KCNU1: variants seen among roughly 807,000 people sequenced by gnomAD.
The protein encoded by KCNU1 is potassium channel subfamily U member 1.
KCNU1 carries 93 observed loss-of-function variants against 126.8 expected under a neutral mutation model. That is an observed-to-expected ratio of 0.73 (90% CI 0.62 to 0.87). KCNU1 has a LOEUF of 0.87. KCNU1 is among the 40% of genes least tolerant of loss of function. The probability of loss-of-function intolerance (pLI) is 0.00; values close to 1 mark genes in which losing one functional copy is unlikely to be tolerated. For synonymous variants in KCNU1, 523 were observed against 494.2 expected, an observed-to-expected ratio of 1.06 and a Z score of -0.77; for missense variants, 1,330 against 1,367.1, an observed-to-expected ratio of 0.97 and a Z score of 0.43.
chr8:36,897,227 A>C (rs1807228502), intron 19 of KCNU1, among the ~76,000 whole-genome samples: 1 of 151,850 alleles, frequency 6.6e-6, no homozygotes, highest in South Asian at 2.1e-4. Flanking sequence ...AATTTCCATA[A>C]AATTTATAGA....
At chr8:36,841,034 G>GC (rs1804934512) in intron 16 of KCNU1, 31 bp downstream of exon 16, 2 of 564,676 alleles carry the variant, frequency 3.5e-6, no homozygotes, top group African/African-American at 5.5e-5. Context: ...CTCTTCAGTT[G>GC]TTTTTTTTTT....
intron 19 of KCNU1, among the ~76,000 whole-genome samples, chr8:36,865,440 A>T (rs1175428339): frequency 6.6e-6 from 1 of 152,042 alleles, no homozygotes; most frequent in Non-Finnish European, 1.5e-5. Flanking sequence ...AATAGCCAAG[A>T]TACAGAAACA....
intron 24 of KCNU1, among the ~76,000 whole-genome samples, chr8:36,928,659 C>T (rs1371715010): frequency 6.6e-6 from 1 of 152,164 alleles, no homozygotes; most frequent in African/African-American, 2.4e-5. Context: ...CTACATTTTA[C>T]CAGCAATATT....
At position 36,836,359 on chromosome 8, in the gene KCNU1, T is replaced by C; in HGVS notation, c.1359T>C (p.His453=). 1 of 1,584,380 alleles carries C rather than the reference T, an allele frequency of 6.3e-7. No individual in the cohort carries two copies. The highest frequency in any genetic ancestry group is 2.2e-5 in the East Asian group (1 of 44,622). ...TRIIIQILQS[H]NKVYLPKIPS... ...TCATCATACAGATACTGCAATCCCATAACAAGGTATAGTAACATTCTAGCA... is the reference window on the plus strand; with the variant it reads ...TCATCATACAGATACTGCAATCCCACAACAAGGTATAGTAACATTCTAGCA... Residue 453 remains histidine (H), a synonymous_variant, in exon 13 of 27, where the codon CAT becomes CAC. Coordinates refer to ENST00000399881, the MANE Select transcript of KCNU1 (RefSeq NM_001031836.3).
At chr8:36,841,031 G>GTTTT (rs372102596) in intron 16 of KCNU1, 28 bp downstream of exon 16, 4 of 618,886 alleles carry the variant, frequency 6.5e-6, no homozygotes, top group Non-Finnish European at 1.0e-5. Context: ...CATCTCTTCA[G>GTTTT]TTGTTTTTTT....
intron 18 of KCNU1, among the ~76,000 whole-genome samples, chr8:36,847,889 A>G (rs187710354): frequency 1.4e-4 from 21 of 152,324 alleles, no homozygotes; most frequent in Admixed American, 1.2e-3. Flanking sequence ...ATTCCCATAC[A>G]GCTTTCCATA....
intron 19 of KCNU1, among the ~76,000 whole-genome samples, chr8:36,881,658 A>G (rs1445947779): frequency 6.6e-6 from 1 of 152,138 alleles, no homozygotes. Flanking sequence ...AATAGACACA[A>G]ACCTGAGTGT....
In KCNU1 at chr8:36,935,098, G is replaced by A. The variant is rs143803645; in HGVS notation, c.3045-417G>A. On this transcript the variant is annotated intron_variant, in intron 26 of 26. Coordinates refer to ENST00000399881, the MANE Select transcript of KCNU1 (RefSeq NM_001031836.3). The stretch of plus-strand genomic sequence containing the variant: ...AAAGCTTGGCTACGTGGTCAATATT[G>A]TGCCAGCTGAATTCATGAGTATAGT... Among the ~76,000 whole-genome samples the A allele has an allele frequency of 2.2e-3, 340 of 152,152 alleles. 1 individual carries two copies. The highest frequency in any genetic ancestry group is 7.8e-3 in the African/African-American group (324 of 41,524).
intron 18 of KCNU1, among the ~76,000 whole-genome samples, chr8:36,851,391 C>T (rs560476263): frequency 3.6e-4 from 55 of 150,962 alleles, no homozygotes; most frequent in Admixed American, 1.3e-3. Context: ...CTCTCTATCT[C>T]TCTCTCTCTC....
rs140277443 is a variant in KCNU1 at position 36,917,017 on chromosome 8, C to T, written c.2522-1806C>T. On this transcript the variant is annotated intron_variant, in intron 22 of 26. Transcript: ENST00000399881. ...TGGATTTCCCCTTTTCCTTCCTGGT[C>T]TCCACCTCAGTGGCTCCATTCCCTG... Among the ~76,000 whole-genome samples the T allele has an allele frequency of 3.4e-3, 520 of 152,262 alleles. 6 individuals are homozygous for T. The highest frequency in any genetic ancestry group is 0.012 in the African/African-American group (495 of 41,554).
chr8:36,803,378 TATC>T (rs1352599106), intron 2 of KCNU1, among the ~76,000 whole-genome samples: 4 of 152,128 alleles, frequency 2.6e-5, no homozygotes, highest in African/African-American at 9.7e-5. Flanking sequence ...TAACCTCAAA[TATC>T]ATGAAAGCTG....
intron 12 of KCNU1, among the ~76,000 whole-genome samples, chr8:36,835,572 C>T (rs1804718107): frequency 6.6e-6 from 1 of 152,132 alleles, no homozygotes; most frequent in Non-Finnish European, 1.5e-5. Context: ...AACTCCTGAG[C>T]TCAGATGATC....
At chr8:36,846,806 A>AC (rs397797861) in intron 18 of KCNU1, among the ~76,000 whole-genome samples, 7 of 151,200 alleles carry the variant, frequency 4.6e-5, no homozygotes, top group African/African-American at 1.5e-4. Flanking sequence ...AAAAAAAAAA[A>AC]CTTAGCCTTG....
At chr8:36,922,288 G>A (rs773206777) in intron 23 of KCNU1, among the ~76,000 whole-genome samples, 2 of 151,624 alleles carry the variant, frequency 1.3e-5, no homozygotes, top group Admixed American at 6.6e-5. Flanking sequence ...GTACCCAATA[G>A]AACTATGTAC....
intron 7 of KCNU1, among the ~76,000 whole-genome samples, chr8:36,811,640 T>C (rs1458742632): frequency 6.6e-6 from 1 of 152,048 alleles, no homozygotes; most frequent in African/African-American, 2.4e-5. Flanking sequence ...TGGTAAGAAG[T>C]AGTGGTAGTG....
At chr8:36,795,454 A>G (rs1344760017) in intron 2 of KCNU1, 2 of 152,460 alleles carry the variant, frequency 1.3e-5, no homozygotes, top group Non-Finnish European at 2.9e-5. Flanking sequence ...AACGAGGGGC[A>G]CAGGGACTTG....
Position 36,833,667 on chromosome 8 carries a change from C to T in KCNU1, c.1212+8C>T, listed in dbSNP as rs1238750357. On this transcript the variant is annotated splice_region_variant and intron_variant, in intron 11 of 26. Transcript: ENST00000399881. ...GATCTGAGGCGAGTTGCGGTAAGAT[C>T]TAGCTGTTTTTGTTCCTTGTAGTTT... 1.3e-6 allele frequency: 2 copies of T among 1,562,202 alleles called. No individual in the cohort carries two copies. The highest frequency in any genetic ancestry group is 1.4e-5 in the African/African-American group (1 of 73,852).
At chr8:36,830,687 TGTTTGGA>T (rs1804504487) in intron 10 of KCNU1, among the ~76,000 whole-genome samples, 1 of 151,998 alleles carries the variant, frequency 6.6e-6, no homozygotes, top group East Asian at 1.9e-4. Flanking sequence ...TGTGTGTGTG[TGTTTGGA>T]TGTGTAGGTT....
chr8:36,870,066 C>T (rs997326981), intron 19 of KCNU1, among the ~76,000 whole-genome samples: 2 of 152,176 alleles, frequency 1.3e-5, no homozygotes, highest in Non-Finnish European at 2.9e-5. Context: ...TGCCATTCTC[C>T]CTCCAGAACA....
Sources: allele counts gnomAD v4.1 joint callset (sites outside exome capture counted in the v4.1 genomes callset), GRCh38; gene constraint gnomAD v4.1.1; transcripts MANE v1.5; gene names NCBI Gene and HGNC (gene_info 2026-07-23, HGNC 2026-07-21).